The following SLC35F1 variants were observed in gnomAD, a reference collection of about 807,000 sequenced individuals.
SLC35F1 encodes solute carrier family 35 member F1.
In SLC35F1, 14 loss-of-function variants were observed where a neutral mutation model predicts 48.7. That is an observed-to-expected ratio of 0.29 (90% CI 0.19 to 0.45). SLC35F1 has a LOEUF of 0.45. SLC35F1 is among the 20% of genes least tolerant of loss of function. SLC35F1 has a pLI of 1.00. For synonymous variants in SLC35F1, 190 were observed against 202.2 expected (o/e 0.94, Z 0.51); for missense variants, 404 against 500.0 (o/e 0.81, Z 1.83).
At chr6:118,173,229 A>T (rs1582710873) in intron 2 of SLC35F1, among the ~76,000 whole-genome samples, 1 of 152,204 alleles carries the variant, frequency 6.6e-6, no homozygotes, top group Admixed American at 6.5e-5. Flanking sequence ...AAGCTGTAAA[A>T]TTACAGTTTT....
chr6:118,128,678 G>T (rs527537892), intron 1 of SLC35F1, among the ~76,000 whole-genome samples: 3 of 151,896 alleles, frequency 2.0e-5, no homozygotes, highest in African/African-American at 4.8e-5. Flanking sequence ...GGAGGAGGGG[G>T]GAGGGATAGC....
chr6:118,007,752 G>C (rs1777192427), intron 1 of SLC35F1, among the ~76,000 whole-genome samples: 1 of 152,090 alleles, frequency 6.6e-6, no homozygotes, highest in Non-Finnish European at 1.5e-5. Context: ...GGCTAATTGG[G>C]TCCTCTGCTC....
intron 1 of SLC35F1, among the ~76,000 whole-genome samples, chr6:118,077,839 G>T (rs1562283010): frequency 1.3e-5 from 2 of 152,192 alleles, no homozygotes; most frequent in African/African-American, 4.8e-5. Flanking sequence ...AGAAATCACA[G>T]TCTAAAGACC....
At chr6:118,048,368 C>A (rs1435634458) in intron 1 of SLC35F1, among the ~76,000 whole-genome samples, 1 of 151,994 alleles carries the variant, frequency 6.6e-6, no homozygotes, top group Non-Finnish European at 1.5e-5. Context: ...CTCTGCCAGG[C>A]TTTGGTATCA....
chr6:118,251,384 G>A (rs1378425890), intron 3 of SLC35F1, among the ~76,000 whole-genome samples: 4 of 151,898 alleles, frequency 2.6e-5, no homozygotes, highest in Non-Finnish European at 5.9e-5. Flanking sequence ...AAATTTTCAA[G>A]TGCCCAATAC....
intron 1 of SLC35F1, among the ~76,000 whole-genome samples, chr6:118,023,865 A>G (rs893794606): frequency 2.6e-5 from 4 of 152,152 alleles, no homozygotes; most frequent in African/African-American, 9.7e-5. Context: ...CTTATTGAAG[A>G]CTATTCCCGG....
At chr6:118,213,402 G>C (rs1181936420) in intron 2 of SLC35F1, among the ~76,000 whole-genome samples, 1 of 152,130 alleles carries the variant, frequency 6.6e-6, no homozygotes, top group Non-Finnish European at 1.5e-5. Context: ...ACACAGTGCT[G>C]GTGGAGTATA....
At chr6:118,083,774 A>G (rs1413103202) in intron 1 of SLC35F1, among the ~76,000 whole-genome samples, 2 of 152,206 alleles carry the variant, frequency 1.3e-5, no homozygotes, top group Admixed American at 1.3e-4. Flanking sequence ...CCCTTTAGCT[A>G]TCAGTAATTA....
intron 1 of SLC35F1, among the ~76,000 whole-genome samples, chr6:118,092,556 C>T (rs1315014794): frequency 6.6e-6 from 1 of 152,132 alleles, no homozygotes; most frequent in African/African-American, 2.4e-5. Flanking sequence ...TCCTCCAGAC[C>T]TCCACTGACA....
intron 1 of SLC35F1, among the ~76,000 whole-genome samples, chr6:118,011,322 G>A (rs1222727395): frequency 6.6e-6 from 1 of 152,162 alleles, no homozygotes; most frequent in Non-Finnish European, 1.5e-5. Flanking sequence ...AGACAGCTCA[G>A]GAAACTTACA....
chr6:118,295,930 C>T (rs1000315025), intron 7 of SLC35F1, among the ~76,000 whole-genome samples: 8 of 152,180 alleles, frequency 5.3e-5, no homozygotes, highest in Non-Finnish European at 1.0e-4. Context: ...TGGCTTTCCC[C>T]TGCACTGTTA....
At chr6:118,258,503 C>G (rs1362441054) in intron 3 of SLC35F1, among the ~76,000 whole-genome samples, 1 of 151,984 alleles carries the variant, frequency 6.6e-6, no homozygotes, top group Non-Finnish European at 1.5e-5. Context: ...TCTTTGAAAT[C>G]CCTGGGGATT....
chr6:118,266,412 A>G (rs1039899425), intron 3 of SLC35F1, among the ~76,000 whole-genome samples: 4 of 151,626 alleles, frequency 2.6e-5, no homozygotes, highest in East Asian at 1.9e-4. Flanking sequence ...TACTTTTGAG[A>G]CTCATATTTG....
chr6:118,291,058 G>A (rs1032620435), intron 7 of SLC35F1, among the ~76,000 whole-genome samples: 1 of 152,106 alleles, frequency 6.6e-6, no homozygotes, highest in African/African-American at 2.4e-5. Flanking sequence ...CTCCCAAAGT[G>A]CTGGGATTAC....
chr6:118,046,089 T>C (rs1194388138), intron 1 of SLC35F1, among the ~76,000 whole-genome samples: 1 of 152,214 alleles, frequency 6.6e-6, no homozygotes, highest in Admixed American at 6.6e-5. Context: ...CTGTGAACAC[T>C]ATCCTAAAAT....
chr6:117,941,989 G>A (rs986582975), intron 1 of SLC35F1, among the ~76,000 whole-genome samples: 21 of 152,168 alleles, frequency 1.4e-4, no homozygotes, highest in Admixed American at 2.0e-4. Flanking sequence ...TGTGTGCCAG[G>A]AAGACCTTTT....
chr6:118,258,462 C>T (rs1775672837), intron 3 of SLC35F1, among the ~76,000 whole-genome samples: 1 of 152,068 alleles, frequency 6.6e-6, no homozygotes, highest in African/African-American at 2.4e-5. Context: ...CTTCATTTAA[C>T]ATTTGACAAT....
intron 1 of SLC35F1, among the ~76,000 whole-genome samples, chr6:118,086,529 T>C (rs1241897009): frequency 6.6e-6 from 1 of 152,194 alleles, no homozygotes; most frequent in Non-Finnish European, 1.5e-5. Context: ...AATCCATATC[T>C]CTTTCTCACA....
intron 1 of SLC35F1, among the ~76,000 whole-genome samples, chr6:117,981,630 T>C (rs1024264094): frequency 2.6e-5 from 4 of 152,228 alleles, no homozygotes; most frequent in African/African-American, 9.6e-5. Flanking sequence ...TTATAGGGGC[T>C]GAAGTACGTG....
Sources: allele counts gnomAD v4.1 joint callset (sites outside exome capture counted in the v4.1 genomes callset), GRCh38; gene constraint gnomAD v4.1.1; transcripts MANE v1.5; gene names NCBI Gene and HGNC (gene_info 2026-07-23, HGNC 2026-07-21).